Variants in IQCK observed in about 807,000 individuals in gnomAD.
The protein encoded by IQCK is IQ domain-containing protein K.
In IQCK, 29 loss-of-function variants were observed where a neutral mutation model predicts 28.1. The observed-to-expected ratio is 1.03, with a 90% CI of 0.77 to 1.41. IQCK has a LOEUF of 1.41. Among genes scored for constraint, IQCK ranks in the 40% most tolerant of loss-of-function variants. The pLI is 0.00. For missense variants in IQCK, 359 were observed against 314.7 expected, an observed-to-expected ratio of 1.14 and a Z score of -1.07; for synonymous variants, 113 against 115.1, an observed-to-expected ratio of 0.98 and a Z score of 0.12.
intron 1 of IQCK, among the ~76,000 whole-genome samples, chr16:19,727,598 A>T (rs186897760): frequency 7.8e-6 from 1 of 128,820 alleles, no homozygotes; most frequent in African/African-American, 3.0e-5. Flanking sequence ...CCCCCCCCCC[A>T]AAAAAAAAGA....
At chr16:19,749,778 A>AG (rs907595252) in intron 4 of IQCK, among the ~76,000 whole-genome samples, 8 of 151,974 alleles carry the variant, frequency 5.3e-5, no homozygotes, top group African/African-American at 1.9e-4. Flanking sequence ...AAGGAAAAAA[A>AG]AAAAAGAAAA....
chr16:19,747,927 C>T (rs181677020), intron 4 of IQCK, among the ~76,000 whole-genome samples: 20 of 152,178 alleles, frequency 1.3e-4, no homozygotes, highest in Admixed American at 9.8e-4. Context: ...TGCAACTTAC[C>T]GTATACACTG....
At chr16:19,844,749 A>G (rs955253432) in intron 9 of IQCK, among the ~76,000 whole-genome samples, 4 of 152,118 alleles carry the variant, frequency 2.6e-5, no homozygotes, top group Non-Finnish European at 4.4e-5. Context: ...AAAAACAATA[A>G]CAACAACAAC....
exon 6 of IQCK, chr16:19,764,099 C>T (rs755080371): frequency 1.2e-5 from 19 of 1,611,892 alleles, no homozygotes; most frequent in South Asian, 5.5e-5. Flanking sequence ...TGTGGAGGAG[C>T]GGCTAAAGCA....
intron 4 of IQCK, among the ~76,000 whole-genome samples, chr16:19,745,255 A>T (rs996330220): frequency 6.6e-6 from 1 of 152,000 alleles, no homozygotes; most frequent in Admixed American, 6.6e-5. Context: ...CCTCACCTAC[A>T]TCTTTTTACC....
chr16:19,810,840 A>C (rs1305342031), intron 7 of IQCK, among the ~76,000 whole-genome samples: 1 of 151,830 alleles, frequency 6.6e-6, no homozygotes. Context: ...GGATGGCAAT[A>C]GTTTCTAATT....
intron 7 of IQCK, among the ~76,000 whole-genome samples, chr16:19,824,047 CT>C (rs1418773537): frequency 1.3e-5 from 2 of 152,094 alleles, no homozygotes; most frequent in Admixed American, 1.3e-4. Flanking sequence ...GGATGAGGGA[CT>C]GGGGTTGGGG....
chr16:19,808,023 A>G (rs1427316736), intron 7 of IQCK, among the ~76,000 whole-genome samples: 1 of 152,148 alleles, frequency 6.6e-6, no homozygotes, highest in Non-Finnish European at 1.5e-5. Flanking sequence ...GAGCTCATCA[A>G]GAAAACTTTT....
intron 7 of IQCK, among the ~76,000 whole-genome samples, chr16:19,803,953 A>G (rs2055798317): frequency 6.6e-6 from 1 of 152,240 alleles, no homozygotes; most frequent in Non-Finnish European, 1.5e-5. Flanking sequence ...CAGTCTCTAA[A>G]TGTAACAACA....
At chr16:19,758,976 GAAGA>G (rs2055092893) in intron 4 of IQCK, among the ~76,000 whole-genome samples, 1 of 151,858 alleles carries the variant, frequency 6.6e-6, no homozygotes, top group Non-Finnish European at 1.5e-5. Context: ...AACTAAAGAG[GAAGA>G]AAGAAAAAAA....
chr16:19,742,551 T>C (rs1015314776), intron 4 of IQCK, among the ~76,000 whole-genome samples: 1 of 152,244 alleles, frequency 6.6e-6, no homozygotes, highest in Non-Finnish European at 1.5e-5. Flanking sequence ...GAATGATGAC[T>C]GGCCTCCAAC....
At chr16:19,811,021 C>T (rs575356703) in intron 7 of IQCK, among the ~76,000 whole-genome samples, 149 of 152,264 alleles carry the variant, frequency 9.8e-4, no homozygotes, top group Non-Finnish European at 1.6e-3. Flanking sequence ...CAGTGGCTCA[C>T]GCCTGTAATC....
At chr16:19,781,087 C>T (rs1382366277) in intron 6 of IQCK, among the ~76,000 whole-genome samples, 1 of 152,136 alleles carries the variant, frequency 6.6e-6, no homozygotes, top group Non-Finnish European at 1.5e-5. Flanking sequence ...TCCCCCTTGC[C>T]TGGGCCCACC....
At chr16:19,767,525 C>A (rs976082722) in intron 6 of IQCK, among the ~76,000 whole-genome samples, 1 of 152,102 alleles carries the variant, frequency 6.6e-6, no homozygotes, top group Non-Finnish European at 1.5e-5. Context: ...CTGTGCCTGC[C>A]GTGTGCTCTT....
chr16:19,837,550 A>G (rs2056313397), intron 9 of IQCK, among the ~76,000 whole-genome samples: 1 of 152,194 alleles, frequency 6.6e-6, no homozygotes, highest in Non-Finnish European at 1.5e-5. Flanking sequence ...ATCTGTCACA[A>G]AGGGCTACTG....
At chr16:19,750,834 T>C (rs2054977023) in intron 4 of IQCK, among the ~76,000 whole-genome samples, 1 of 151,930 alleles carries the variant, frequency 6.6e-6, no homozygotes. Flanking sequence ...AAGATAACAA[T>C]TGAATAACAA....
exon 2 of IQCK, chr16:19,730,430 A>G (rs1440003377): frequency 1.9e-6 from 3 of 1,597,642 alleles, no homozygotes; most frequent in Non-Finnish European, 2.6e-6. Context: ...TTCCCTTTAG[A>G]GTATGAAGCT....
intron 7 of IQCK, among the ~76,000 whole-genome samples, chr16:19,798,630 A>G (rs556729909): frequency 5.0e-4 from 25 of 50,274 alleles, no homozygotes; most frequent in Admixed American, 1.5e-3. Flanking sequence ...AGGCTTGGCC[A>G]TGGCTGGAGA....
In IQCK at chr16:19,821,483, T is replaced by G. The variant is rs532612991; in HGVS notation, c.691-5543T>G. On this transcript the variant is annotated intron_variant, in intron 7 of 7. Transcript: ENST00000564186. ...GGGAGACCGAGGCGGGTGGATCACCTGAGGTCAGGAGTTCAAGACCAGCCT... is the reference window on the plus strand; with the variant it reads ...GGGAGACCGAGGCGGGTGGATCACCGGAGGTCAGGAGTTCAAGACCAGCCT... 2.5e-4 allele frequency among the ~76,000 whole-genome samples: 38 copies of G among 152,298 alleles called. 1 individual carries two copies. The East Asian group carries it at 6.6e-3, about 26-fold the overall frequency.
Sources: allele counts gnomAD v4.1 joint callset (sites outside exome capture counted in the v4.1 genomes callset), GRCh38; gene constraint gnomAD v4.1.1; transcripts MANE v1.5; gene names NCBI Gene and HGNC (gene_info 2026-07-23, HGNC 2026-07-21).